Variants in SLC6A12 observed in about 807,000 individuals in gnomAD.
The protein encoded by SLC6A12 is solute carrier family 6 member 12.
A neutral mutation model predicts 73.3 loss-of-function variants in SLC6A12; 50 were observed. The observed-to-expected ratio is 0.68, with a 90% CI of 0.54 to 0.86. The LOEUF (loss-of-function observed/expected upper bound fraction) is 0.86, where lower values mean the gene tolerates loss of function less well. SLC6A12 is among the 40% of genes least tolerant of loss of function. The pLI, the probability that SLC6A12 is intolerant of heterozygous loss-of-function variation, is 0.00. For synonymous variants in SLC6A12, 304 were observed against 309.2 expected (o/e 0.98, Z 0.18); for missense variants, 648 against 772.8 (o/e 0.84, Z 1.92).
the SLC6A12 span, among the ~76,000 whole-genome samples, chr12:184,623 G>C: frequency 6.6e-6 from 1 of 152,090 alleles, no homozygotes; most frequent in South Asian, 2.1e-4. Context: ...GGTGGCGGGC[G>C]CCTGTAGTCC....
chr12:204,250 G>A, intron 4 of SLC6A12: 1 of 341,632 alleles, frequency 2.9e-6, no homozygotes, highest in Non-Finnish European at 5.6e-6. Flanking sequence ...CCATAGGTAA[G>A]CCAAGCTTCA....
At chr12:193,711 G>A (rs867594208) in intron 13 of SLC6A12, among the ~76,000 whole-genome samples, 14 of 152,168 alleles carry the variant, frequency 9.2e-5, no homozygotes, top group Non-Finnish European at 1.8e-4. Flanking sequence ...TTAGACAAAC[G>A]CCTGTTTACC....
At chr12:186,354 A>C (rs1238530767), downstream of SLC6A12, among the ~76,000 whole-genome samples, 1 of 152,196 alleles carries the variant, frequency 6.6e-6, no homozygotes, top group Non-Finnish European at 1.5e-5. Context: ...CAGGTGAAGG[A>C]ACTGCAAGCA....
chr12:210,550 A>T, intron 2 of SLC6A12: 1 of 230,850 alleles, frequency 4.3e-6, no homozygotes, highest in Non-Finnish European at 7.2e-6. Flanking sequence ...TAAACAGGGG[A>T]GCCAGCAGCT....
At chr12:191,608 T>G (rs118087619) in intron 15 of SLC6A12, among the ~76,000 whole-genome samples, 52 of 152,332 alleles carry the variant, frequency 3.4e-4, no homozygotes, top group Middle Eastern at 3.4e-3. Flanking sequence ...ACTATTATTA[T>G]GTGCTCAATA....
chr12:209,834 C>A lies in SLC6A12; in HGVS notation c.153G>T (p.Gly51=). Residue 51 remains glycine, a synonymous_variant, in exon 3 of 16, where the codon GGG becomes GGT. Coordinates refer to ENST00000684302, the MANE Select transcript of SLC6A12 (RefSeq NM_001122848.3). The stretch of plus-strand genomic sequence containing the variant: ...AGACATTGCCCAGCCCAATGATCTC[C>A]CCGGCCACTGACAGCACAAACTCCA... ...NKMEFVLSVA[G]EIIGLGNVWR... 1 of 1,614,216 alleles carries A rather than the reference C, an allele frequency of 6.2e-7. No homozygotes were observed. The highest frequency in any genetic ancestry group is 8.5e-7 in the Non-Finnish European group (1 of 1,180,032).
intron 7 of SLC6A12, chr12:199,585 T>C (rs1052062044): frequency 1.3e-5 from 2 of 152,330 alleles, no homozygotes; most frequent in African/African-American, 4.8e-5. Flanking sequence ...TGTGCTGTTA[T>C]TACTACGATG....
At chr12:210,339 T>C in intron 2 of SLC6A12, 1 of 1,153,048 alleles carries the variant, frequency 8.7e-7, no homozygotes, top group East Asian at 6.3e-5. Context: ...TTTTTATCTG[T>C]ACAGCTCGCC....
intron 3 of SLC6A12, among the ~76,000 whole-genome samples, chr12:206,917 A>T (rs1233003969): frequency 6.6e-6 from 1 of 152,186 alleles, no homozygotes; most frequent in African/African-American, 2.4e-5. Context: ...CTTCCCTCCA[A>T]TAAAGGAGGT....
At chr12:188,777 G>A (rs115241347), downstream of SLC6A12, among the ~76,000 whole-genome samples, 752 of 152,312 alleles carry the variant, frequency 4.9e-3, 10 homozygotes, top group African/African-American at 0.017. Context: ...TGAAACAGTT[G>A]CTCCTTGCCC....
intron 14 of SLC6A12, 24 bp from the exon 15 acceptor site, chr12:192,672 T>C: frequency 1.9e-6 from 3 of 1,612,008 alleles, no homozygotes; most frequent in Non-Finnish European, 2.5e-6. Context: ...GGGGCAGCCA[T>C]GGGTAAGATA....
chr12:205,723 G>A (rs1940599006), intron 3 of SLC6A12, among the ~76,000 whole-genome samples: 1 of 152,150 alleles, frequency 6.6e-6, no homozygotes, highest in Non-Finnish European at 1.5e-5. Flanking sequence ...TTTCTTAAAA[G>A]CACACACATG....
chr12:188,043 C>T (rs539575997), downstream of SLC6A12, among the ~76,000 whole-genome samples: 4 of 152,370 alleles, frequency 2.6e-5, no homozygotes, highest in South Asian at 2.1e-4. Context: ...CTCAGGAGCC[C>T]AGCTGGCTTC....
intron 14 of SLC6A12, 135 bp downstream of exon 14, chr12:193,142 G>C: frequency 1.5e-6 from 1 of 684,498 alleles, no homozygotes; most frequent in Non-Finnish European, 2.6e-6. Flanking sequence ...AGGCAACATA[G>C]AACAGGAAAT....
downstream of SLC6A12, among the ~76,000 whole-genome samples, chr12:188,490 C>T (rs1939482725): frequency 1.3e-5 from 2 of 152,208 alleles, no homozygotes; most frequent in South Asian, 4.1e-4. Flanking sequence ...AGGGAGCCGG[C>T]TCCGGCCTTG....
intron 7 of SLC6A12, among the ~76,000 whole-genome samples, chr12:200,258 A>ACTCG (rs1565472011): frequency 1.3e-5 from 2 of 148,800 alleles, no homozygotes; most frequent in African/African-American, 5.0e-5. Flanking sequence ...ACAGGTGCCC[A>ACTCG]CCACCACGCC....
At position 198,076 on chromosome 12, in the gene SLC6A12, C is replaced by T. The variant is rs922475518; in HGVS notation, c.847-73G>A. Reference sequence around the variant, plus strand: ...AGCCAGGGTGACCCGAGATCCAGACCCGTCCCCTGCAGCACCAGCCTGGCC... The same window carrying T: ...AGCCAGGGTGACCCGAGATCCAGACTCGTCCCCTGCAGCACCAGCCTGGCC... On this transcript the variant is annotated intron_variant, in intron 8 of 15. Transcript: ENST00000684302. The surrounding 1 kb of genome is among the most constrained non-coding windows in gnomAD (Gnocchi z 4.0). The T allele has an allele frequency of 8.3e-7, 1 of 1,210,918 alleles. No individual in the cohort carries two copies. The highest frequency in any genetic ancestry group is 1.2e-6 in the Non-Finnish European group (1 of 822,326). The allele number at this position is 1,210,918 out of a possible 1,614,324, so 75.0% of individuals were successfully genotyped here.
chr12:185,585 T>C (rs373616786), downstream of SLC6A12, among the ~76,000 whole-genome samples: 1 of 152,254 alleles, frequency 6.6e-6, no homozygotes, highest in African/African-American at 2.4e-5. Flanking sequence ...CCACAGGTTA[T>C]GCACTGACCC....
At position 191,139 on chromosome 12, in the gene SLC6A12, C is replaced by A. The variant is rs755598629; in HGVS notation, c.1774G>T (p.Ala592Ser). The A allele has an allele frequency of 4.6e-5, 62 of 1,340,826 alleles. No individual in the cohort carries two copies. The highest frequency in any genetic ancestry group is 5.6e-5 in the Non-Finnish European group (58 of 1,033,110). 83.1% of individuals were successfully genotyped at this position (1,340,826 alleles called of 1,614,324 possible). A position where few individuals can be genotyped will look rare whatever the true frequency, so the allele number is the denominator to read the frequency against. The change falls in exon 16 of 16, where the codon GCT becomes TCT. Residue 592 changes from alanine to serine, a missense_variant. By Grantham distance (99) the Ala-to-Ser change is moderately conservative. Coordinates refer to ENST00000684302, the MANE Select transcript of SLC6A12 (RefSeq NM_001122848.3). ...GGGGAGGGCCCAAAGTTCCGGCCAG[C>A]ACTGCCATCCAAGCAGGGATGTTGC... ...PKQHPCLDGS[A>S]GRNFGPSPTR...
Sources: gnomAD v4.1 joint callset for allele counts (sites outside exome capture counted in the v4.1 genomes callset) on GRCh38, gnomAD v4.1.1 for gene constraint, Gnocchi (gnomAD v3.1) non-coding constraint, MANE v1.5 for transcripts, NCBI Gene and HGNC (gene_info 2026-07-23, HGNC 2026-07-21) for gene names.